DRAXIN: variants seen among roughly 807,000 people sequenced by gnomAD.
The protein encoded by DRAXIN is dorsal repulsive axon guidance protein.
A neutral mutation model predicts 33.9 loss-of-function variants in DRAXIN; 27 were observed. The ratio of observed to expected loss-of-function variants is 0.80; its 90% CI spans 0.59 to 1.10. The LOEUF is 1.10. Ranked by LOEUF, DRAXIN falls within the 50% of genes least tolerant of loss-of-function variation. The pLI, the probability that DRAXIN is intolerant of heterozygous loss-of-function variation, is 0.00. For synonymous variants in DRAXIN, 178 were observed against 194.0 expected, an observed-to-expected ratio of 0.92 and a Z score of 0.69; for missense variants, 371 against 460.8, an observed-to-expected ratio of 0.81 and a Z score of 1.78.
chr1:11,693,445 A>G (rs1221146710), intron 1 of DRAXIN, among the ~76,000 whole-genome samples: 1 of 151,910 alleles, frequency 6.6e-6, no homozygotes, highest in African/African-American at 2.4e-5. Flanking sequence ...TGGTCATAAC[A>G]TGTGACACAC....
chr1:11,695,611 A>ATAT lies in DRAXIN; in HGVS notation c.-11+3758_-11+3759insTAT, dbSNP rs1207189674. Among the ~76,000 whole-genome samples, 44 of 145,174 alleles carry ATAT rather than the reference A, an allele frequency of 3.0e-4. 1 individual carries two copies. Among genetic ancestry groups the ATAT allele is most frequent in the Admixed American group, 5.5e-4 (8 of 14,624 alleles). ...AGTGAGATTCTGTCTCAAAAAAAAA[A>ATAT]ATATATATATATATATATACTTCAA... On this transcript the variant is annotated intron_variant, in intron 1 of 6. Transcript: ENST00000294485.
At chr1:11,689,204 T>G (rs1206262121), upstream of DRAXIN, among the ~76,000 whole-genome samples, 5 of 139,460 alleles carry the variant, frequency 3.6e-5, no homozygotes, top group Admixed American at 7.7e-5. Context: ...GGCTGAGGCA[T>G]GAATCGCTTG....
At chr1:11,708,964 T>C (rs1019861668) in intron 2 of DRAXIN, among the ~76,000 whole-genome samples, 1 of 152,228 alleles carries the variant, frequency 6.6e-6, no homozygotes, top group African/African-American at 2.4e-5. Flanking sequence ...TACTAGTTCC[T>C]ATTTGTTATA....
At position 11,694,090 on chromosome 1, in the gene DRAXIN, C is replaced by G. The variant is rs564919499; in HGVS notation, c.-11+2237C>G. Among the ~76,000 whole-genome samples, 1 of 152,124 alleles carries G rather than the reference C, an allele frequency of 6.6e-6. No individual in the cohort carries two copies. The highest frequency in any genetic ancestry group is 2.4e-5 in the African/African-American group (1 of 41,424). On this transcript the variant is annotated intron_variant, in intron 1 of 6. Transcript: ENST00000294485. The surrounding 1 kb of genome is among the most constrained non-coding windows in gnomAD (Gnocchi z 4.9). ...ATGTCCTCTCCTGTGGGAAGCACCC[C>G]GGCACTCCCTTGCCTCCCTAGCTCT...
chr1:11,699,406 GACTA>G (rs1214981593), intron 1 of DRAXIN, among the ~76,000 whole-genome samples: 1 of 151,860 alleles, frequency 6.6e-6, no homozygotes, highest in African/African-American at 2.4e-5. Context: ...CTTGCGATCA[GACTA>G]ACTCTCTTTG....
At chr1:11,703,566 T>C (rs893936167) in intron 1 of DRAXIN, among the ~76,000 whole-genome samples, 2 of 152,124 alleles carry the variant, frequency 1.3e-5, no homozygotes, top group African/African-American at 4.8e-5. Flanking sequence ...TGTGGTTGCA[T>C]GGGAAGGCAA....
intron 2 of DRAXIN, 26 bp from the exon 3 acceptor site, chr1:11,709,249 C>T: frequency 6.3e-7 from 1 of 1,588,116 alleles, no homozygotes; most frequent in Non-Finnish European, 8.6e-7. Context: ...AGATATAGCC[C>T]CCGTGCTCCC....
intron 3 of DRAXIN, 140 bp downstream of exon 3, chr1:11,709,605 G>A: frequency 9.2e-7 from 1 of 1,089,838 alleles, no homozygotes; most frequent in African/African-American, 1.6e-5. Context: ...CAGATCTCCT[G>A]CTGCCCATCC....
In DRAXIN at chr1:11,706,150, C is replaced by A; in HGVS notation, c.-10-99C>A. ...AAATGTCACTGGGAGCAAAATGTCCCTCTATGGCTGTTGAGAAAAACTGGG... is the reference window on the plus strand; with the variant it reads ...AAATGTCACTGGGAGCAAAATGTCCATCTATGGCTGTTGAGAAAAACTGGG... On this transcript the variant is annotated intron_variant, in intron 1 of 6. Transcript: ENST00000294485. This position sits in a 1 kb window ranked among gnomAD's most constrained non-coding sequence, Gnocchi z 5.5. 1 of 1,189,382 alleles carries A rather than the reference C, an allele frequency of 8.4e-7. No individual in the cohort carries two copies. Among genetic ancestry groups the A allele is most frequent in the Non-Finnish European group, 1.1e-6 (1 of 870,182 alleles). 73.7% of individuals were successfully genotyped at this position (1,189,382 alleles called of 1,614,324 possible).
At chr1:11,717,546 C>G (rs908438563) in intron 6 of DRAXIN, among the ~76,000 whole-genome samples, 1 of 151,292 alleles carries the variant, frequency 6.6e-6, no homozygotes, top group Admixed American at 6.6e-5. Context: ...CCTGTAATCC[C>G]AGCTACTCAG....
At chr1:11,717,377 A>G (rs1641592149) in intron 6 of DRAXIN, among the ~76,000 whole-genome samples, 1 of 151,258 alleles carries the variant, frequency 6.6e-6, no homozygotes, top group Non-Finnish European at 1.5e-5. Context: ...AGAAGTGGGC[A>G]TTGGAGGCCA....
rs1255079810 is a variant in DRAXIN, at chr1:11,705,149, G to A, written c.-10-1100G>A. Among the ~76,000 whole-genome samples, 1 of 152,198 alleles carries A rather than the reference G, an allele frequency of 6.6e-6. No individual in the cohort carries two copies. Among genetic ancestry groups the A allele is most frequent in the Admixed American group, 6.5e-5 (1 of 15,286 alleles). ...TATGGCCACAAATCACAAAGAAACGGTGGCGTAAGCACCCTTGCCAGCCTA... is the reference window on the plus strand; with the variant it reads ...TATGGCCACAAATCACAAAGAAACGATGGCGTAAGCACCCTTGCCAGCCTA... On this transcript the variant is annotated intron_variant, in intron 1 of 6. Transcript: ENST00000294485. The surrounding 1 kb of genome is among the most constrained non-coding windows in gnomAD (Gnocchi z 4.8).
chr1:11,717,531 G>A (rs1323645108), intron 6 of DRAXIN, among the ~76,000 whole-genome samples: 5 of 151,248 alleles, frequency 3.3e-5, no homozygotes, highest in East Asian at 3.9e-4. Flanking sequence ...GTGTGGTGAC[G>A]CGCACCTGTA....
upstream of DRAXIN, among the ~76,000 whole-genome samples, chr1:11,687,460 G>T (rs370258457): frequency 2.0e-5 from 3 of 152,154 alleles, no homozygotes; most frequent in East Asian, 5.8e-4. This position sits in a 1 kb window ranked among gnomAD's most constrained non-coding sequence, Gnocchi z 4.1. Context: ...GGCTGGTCTC[G>T]AACTCCTGAC....
At chr1:11,701,045 C>T (rs1015861724) in intron 1 of DRAXIN, among the ~76,000 whole-genome samples, 1 of 152,184 alleles carries the variant, frequency 6.6e-6, no homozygotes, top group Non-Finnish European at 1.5e-5. Flanking sequence ...CGTTTGCATA[C>T]GGCGATGCTG....
Position 11,696,325 on chromosome 1 carries a change from C to T in DRAXIN, c.-11+4472C>T, listed in dbSNP as rs1474109366. On this transcript the variant is annotated intron_variant, in intron 1 of 6. Transcript: ENST00000294485. The surrounding 1 kb of genome is among the most constrained non-coding windows in gnomAD (Gnocchi z 4.7). ...CTCCCCAGCCGGGTGCGGTGGCTCA[C>T]GCCTGTAATCCCAGCACTTTGGGAG... Among the ~76,000 whole-genome samples the T allele has an allele frequency of 6.6e-6, 1 of 152,196 alleles. No individual in the cohort carries two copies. Among genetic ancestry groups the T allele is most frequent in the African/African-American group, 2.4e-5 (1 of 41,430 alleles).
chr1:11,715,608 T>G (rs535514402), intron 6 of DRAXIN, among the ~76,000 whole-genome samples: 10 of 147,084 alleles, frequency 6.8e-5, no homozygotes, highest in Admixed American at 2.1e-4. Flanking sequence ...GAGGAGGCAT[T>G]GAAGTGTGAT....
chr1:11,703,221 C>T (rs762669662), intron 1 of DRAXIN, among the ~76,000 whole-genome samples: 5 of 152,224 alleles, frequency 3.3e-5, no homozygotes, highest in Admixed American at 6.5e-5. Flanking sequence ...CAAAATGACA[C>T]ACGAGGTCTT....
rs367564320 is a variant in DRAXIN, at chr1:11,693,335, G to A, written c.-11+1482G>A. ...GTCTTGGCTTGATGCCTTTAATAGC[G>A]GCACCAGCTCACAGGCCACTTCCTT... On this transcript the variant is annotated intron_variant, in intron 1 of 6. Coordinates refer to ENST00000294485, the MANE Select transcript of DRAXIN (RefSeq NM_198545.4). Among the ~76,000 whole-genome samples, 17 of 151,950 alleles carry A rather than the reference G, an allele frequency of 1.1e-4. 2 individuals carry two copies. Among genetic ancestry groups the A allele is most frequent in the African/African-American group, 1.9e-4 (8 of 41,434 alleles).
Sources: gnomAD v4.1 joint callset for allele counts (sites outside exome capture counted in the v4.1 genomes callset) on GRCh38, gnomAD v4.1.1 for gene constraint, Gnocchi (gnomAD v3.1) non-coding constraint, MANE v1.5 for transcripts, NCBI Gene and HGNC (gene_info 2026-07-23, HGNC 2026-07-21) for gene names.